Variants in TAF11L14 observed in about 807,000 individuals in gnomAD.
TAF11L14 encodes TATA-box-binding protein-associated factor 11-like protein 14.
At chr5:17,634,569 A>T (rs1739773824) in exon 1 of TAF11L14, 3 of 398,406 alleles carry the variant, frequency 7.5e-6, no homozygotes, top group Non-Finnish European at 1.3e-5. Flanking sequence ...GGGAACTTGG[A>T]AGAACCCAGG....
chr5:17,635,050 C>G (rs1269022605), exon 1 of TAF11L14: 4 of 398,402 alleles, frequency 1.0e-5, no homozygotes, highest in East Asian at 3.6e-5. Context: ...AAGTCATGTT[C>G]TAGGCCCAAG....
At chr5:17,634,511 C>T in the TAF11L14 span, 7 of 398,180 alleles carry the variant, frequency 1.8e-5, no homozygotes, top group East Asian at 3.6e-5. Flanking sequence ...CGCCATACCC[C>T]GAGGTCTGAA....
chr5:17,634,807 T>G (rs1208599223), exon 1 of TAF11L14: 6 of 398,516 alleles, frequency 1.5e-5, no homozygotes, highest in East Asian at 3.6e-5. Context: ...GCCAGTTAGC[T>G]TTCCCAAAAG....
chr5:17,634,815 A>G (rs1470187915), exon 1 of TAF11L14: 5 of 398,366 alleles, frequency 1.3e-5, no homozygotes, highest in Non-Finnish European at 2.2e-5. Context: ...GCTTTCCCAA[A>G]AGCACTTGTT....
At chr5:17,634,897 CA>C in the TAF11L14 span, 2 of 398,512 alleles carry the variant, frequency 5.0e-6, no homozygotes, top group Non-Finnish European at 8.9e-6. Context: ...CTGGAATAGC[CA>C]AGGTCTTTGT....
At chr5:17,634,680 C>T (rs1159356037) in exon 1 of TAF11L14, 1 of 398,794 alleles carries the variant, frequency 2.5e-6, no homozygotes, top group Non-Finnish European at 4.4e-6. Flanking sequence ...AGACAGAAAA[C>T]AGATACCAAA....
At chr5:17,634,958 A>G in exon 1 of TAF11L14, 1 of 398,370 alleles carries the variant, frequency 2.5e-6, no homozygotes, top group Non-Finnish European at 4.4e-6. Flanking sequence ...GTGGGGAGAA[A>G]TGCCCCCATT....
Position 17,634,829 on chromosome 5 carries a change from C to T in TAF11L14, c.370C>T (p.Arg124Cys), listed in dbSNP as rs935382909. The change falls in exon 1 of 1, where the codon CGT (arginine) becomes TGT (cysteine). Residue 124 changes from arginine to cysteine, a missense_variant. Physicochemically the swap from Arg to Cys is radical, Grantham distance 180. Transcript: ENST00000512227. ...AGCTTTCCCAAAAGCACTTGTTGCA[C>T]GTCTGATGTGGTCTATCACTGGGAG... is the stretch of plus-strand genomic sequence containing the variant. 6.5e-5 allele frequency: 26 copies of T among 398,446 alleles called. 1 individual carries two copies. Among genetic ancestry groups the T allele is most frequent in the East Asian group, 2.5e-4 (7 of 28,066 alleles). The allele number at this position is 398,446 out of a possible 1,614,324, so 24.7% of individuals were successfully genotyped here.
At chr5:17,634,981 T>A (rs914368028) in exon 1 of TAF11L14, 4 of 398,068 alleles carry the variant, frequency 1.0e-5, no homozygotes, top group Admixed American at 4.4e-5. Context: ...AGCCCATGGA[T>A]TTAAGGGAGG....
chr5:17,634,812 CA>C, the TAF11L14 span: 1 of 398,626 alleles, frequency 2.5e-6, no homozygotes, highest in Non-Finnish European at 4.4e-6. Context: ...TTAGCTTTCC[CA>C]AAAGCACTTG....
At chr5:17,634,991 G>A (rs1739784670) in exon 1 of TAF11L14, 1 of 398,384 alleles carries the variant, frequency 2.5e-6, no homozygotes, top group South Asian at 1.3e-4. Flanking sequence ...TTTAAGGGAG[G>A]CTGTTTGCAG....
exon 1 of TAF11L14, chr5:17,634,525 C>A (rs1739772726): frequency 2.5e-6 from 1 of 398,218 alleles, no homozygotes. Flanking sequence ...GTCTGAAGGG[C>A]TGCAACGAGG....
exon 1 of TAF11L14, chr5:17,634,608 A>T (rs1403764003): frequency 1.8e-5 from 7 of 398,268 alleles, no homozygotes; most frequent in African/African-American, 1.2e-4. Flanking sequence ...AGGAGTGAGG[A>T]TGTCATGGAC....
At chr5:17,634,744 A>T (rs1419365118) in exon 1 of TAF11L14, 1 of 398,624 alleles carries the variant, frequency 2.5e-6, no homozygotes, top group African/African-American at 2.1e-5. Context: ...AGAGGATGAC[A>T]ACCCTGCTGT....
chr5:17,634,901 G>T lies in TAF11L14; in HGVS notation c.442G>T (p.Val148Phe), dbSNP rs539791508. ...CATTGCCATGGCTGGAATAGCCAAG[G>T]TCTTTGTTGGAGAGGTGGTGGAAGA... is the stretch of plus-strand genomic sequence containing the variant. Residue 148 changes from valine to phenylalanine, a missense_variant, in exon 1 of 1, where the codon GTC (valine) becomes TTC (phenylalanine). Coordinates refer to ENST00000512227, the Ensembl canonical transcript of TAF11L14. 1.0e-3 allele frequency: 405 copies of T among 398,604 alleles called. 7 individuals are homozygous for T. Among genetic ancestry groups the T allele is most frequent in the Non-Finnish European group, 1.6e-3 (362 of 225,872 alleles). 24.7% of individuals were successfully genotyped at this position (398,604 alleles called of 1,614,324 possible).
exon 1 of TAF11L14, chr5:17,634,934 G>T (rs1739783316): frequency 5.0e-6 from 2 of 398,400 alleles, no homozygotes; most frequent in African/African-American, 2.1e-5. Context: ...AGAGGCCCTG[G>T]ACATGTGTGA....
exon 1 of TAF11L14, chr5:17,634,731 C>G: frequency 2.5e-6 from 1 of 398,734 alleles, no homozygotes; most frequent in Non-Finnish European, 4.4e-6. Flanking sequence ...GCAGAGGAGG[C>G]TCAGAGGATG....
exon 1 of TAF11L14, chr5:17,634,550 G>T (rs960908834): frequency 2.5e-6 from 1 of 398,346 alleles, no homozygotes; most frequent in Non-Finnish European, 4.4e-6. Context: ...AATCCCTGAG[G>T]CCCTAGATGG....
exon 1 of TAF11L14, chr5:17,634,891 A>T: frequency 2.5e-6 from 1 of 398,580 alleles, no homozygotes; most frequent in Non-Finnish European, 4.4e-6. Context: ...CCATGGCTGG[A>T]ATAGCCAAGG....
Sources: gnomAD v4.1 joint callset for allele counts on GRCh38, gnomAD v4.1.1 for gene constraint, MANE v1.5 for transcripts, NCBI Gene and HGNC (gene_info 2026-07-23, HGNC 2026-07-21) for gene names.